DNMBP: variants seen among roughly 807,000 people sequenced by gnomAD.
The protein encoded by DNMBP is dynamin-binding protein.
DNMBP carries 87 observed loss-of-function variants against 150.0 expected under a neutral mutation model. The ratio of observed to expected loss-of-function variants is 0.58; its 90% confidence interval spans 0.49 to 0.69. DNMBP has a LOEUF of 0.69. DNMBP is among the 30% of genes least tolerant of loss of function. The pLI, the probability that DNMBP is intolerant of heterozygous loss-of-function variation, is 0.00. For synonymous variants in DNMBP, 711 were observed against 750.4 expected, an observed-to-expected ratio of 0.95 and a Z score of 0.86; for missense variants, 1,774 against 1,949.0, an observed-to-expected ratio of 0.91 and a Z score of 1.69.
At chr10:99,884,872 C>T (rs954792186) in intron 14 of DNMBP, among the ~76,000 whole-genome samples, 3 of 152,076 alleles carry the variant, frequency 2.0e-5, no homozygotes, top group Non-Finnish European at 4.4e-5. Context: ...CCACTGCATT[C>T]CAGCCTGGGT....
chr10:99,906,564 G>C lies in DNMBP; in HGVS notation c.2554+1431C>G, dbSNP rs12262092. Among the ~76,000 whole-genome samples the C allele has an allele frequency of 4.3e-3, 660 of 152,272 alleles. 7 individuals are homozygous for C. Among genetic ancestry groups the C allele is most frequent in the African/African-American group, 0.015 (621 of 41,550 alleles). On this transcript the variant is annotated intron_variant, in intron 6 of 16. Coordinates refer to ENST00000324109, the MANE Select transcript of DNMBP (RefSeq NM_015221.4). ...TGTGGCTCCTGTCTCAGGCGTGCTT[G>C]CTCTTGCGTGCTCTCTCTCATTCTG...
intron 4 of DNMBP, among the ~76,000 whole-genome samples, chr10:99,921,255 C>G (rs1314689525): frequency 6.6e-6 from 1 of 152,216 alleles, no homozygotes; most frequent in African/African-American, 2.4e-5. Context: ...CACCTACTGT[C>G]TTTTAAAGCT....
intron 4 of DNMBP, among the ~76,000 whole-genome samples, chr10:99,954,333 C>G (rs990682975): frequency 6.6e-6 from 1 of 151,992 alleles, no homozygotes. Flanking sequence ...CCACCGCACC[C>G]GGCAAGGTTT....
chr10:99,914,660 G>A (rs982554591), intron 4 of DNMBP, among the ~76,000 whole-genome samples: 7 of 152,094 alleles, frequency 4.6e-5, no homozygotes, highest in Non-Finnish European at 1.0e-4. Context: ...ACACTTAAAT[G>A]AACCAGGGAG....
rs79729921 is a variant in DNMBP, at chr10:100,004,717, A to G, written c.-11+5121T>C. Among the ~76,000 whole-genome samples the G allele has an allele frequency of 4.9e-3, 741 of 152,348 alleles. 9 individuals are homozygous for G. The highest frequency in any genetic ancestry group is 0.017 in the African/African-American group (709 of 41,584). ...GTTCCTTAAACAAAACTCCAAAAAC[A>G]TAAACCGCAAGTCAAAGAATTTATC... is the stretch of plus-strand genomic sequence containing the variant. On this transcript the variant is annotated intron_variant, in intron 1 of 16. Coordinates refer to ENST00000324109, the MANE Select transcript of DNMBP (RefSeq NM_015221.4).
intron 4 of DNMBP, among the ~76,000 whole-genome samples, chr10:99,932,655 T>C (rs2040173131): frequency 6.7e-6 from 1 of 148,976 alleles, no homozygotes; most frequent in Non-Finnish European, 1.5e-5. Context: ...GCACTCCTTT[T>C]TACCATTTTA....
Position 99,899,901 on chromosome 10 carries a change from A to G in DNMBP, c.2702+18T>C. The G allele has an allele frequency of 6.2e-7, 1 of 1,614,014 alleles. No homozygotes were observed. Among genetic ancestry groups the G allele is most frequent in the Non-Finnish European group, 8.5e-7 (1 of 1,179,890 alleles). On this transcript the variant is annotated intron_variant, in intron 7 of 16. Transcript: ENST00000324109. ...AACTAAAGAGCTGTAATGGAAGTTA[A>G]GTGGTCAAAACTCCTACTTCAGATC...
rs1174241894 is a variant in DNMBP at position 99,908,959 on chromosome 10, C to T, written c.2448G>A (p.Gln816=). 2 of 1,612,982 alleles carry T rather than the reference C, an allele frequency of 1.2e-6. No homozygotes were observed. Among genetic ancestry groups the T allele is most frequent in the South Asian group, 2.2e-5 (2 of 90,882 alleles). The part of the protein sequence containing the change: ...CIERIMVPMQ[Q]AQVPNIDFEG... ...TCTGTCTCCCAGTTCCCACCTGTGCCTGCTGCATGGGTACCATGATCCGCT... is the reference window on the plus strand; with the variant it reads ...TCTGTCTCCCAGTTCCCACCTGTGCTTGCTGCATGGGTACCATGATCCGCT... The change falls in exon 5 of 17, where the codon CAG becomes CAA. Residue 816 remains glutamine (Q), a synonymous_variant. Transcript: ENST00000324109.
chr10:99,883,931 G>C, intron 15 of DNMBP, 80 bp downstream of exon 15: 1 of 1,359,982 alleles, frequency 7.4e-7, no homozygotes, highest in Non-Finnish European at 1.0e-6. Flanking sequence ...TTTTTTTCCT[G>C]GCCTAGTCCA....
At chr10:99,991,711 C>A (rs2133377894) in intron 1 of DNMBP, among the ~76,000 whole-genome samples, 1 of 151,778 alleles carries the variant, frequency 6.6e-6, no homozygotes, top group East Asian at 2.0e-4. Flanking sequence ...TCGAGACCAT[C>A]CTGGCTAACA....
intron 1 of DNMBP, among the ~76,000 whole-genome samples, chr10:99,983,005 T>C (rs916619004): frequency 2.0e-5 from 3 of 151,684 alleles, no homozygotes; most frequent in African/African-American, 7.3e-5. Flanking sequence ...AGAACAAAAC[T>C]TCTGAAGGGG....
At chr10:99,911,491 A>T (rs2039898480) in intron 4 of DNMBP, among the ~76,000 whole-genome samples, 1 of 152,246 alleles carries the variant, frequency 6.6e-6, no homozygotes, top group South Asian at 2.1e-4. Context: ...CTCAAAAAAA[A>T]ATCCATGTTC....
chr10:99,937,074 T>C (rs1346557674), intron 4 of DNMBP, among the ~76,000 whole-genome samples: 3 of 152,098 alleles, frequency 2.0e-5, no homozygotes, highest in Non-Finnish European at 2.9e-5. Context: ...CTAATTTTTA[T>C]ATTTTTCAGT....
Position 99,900,087 on chromosome 10 carries a change from TAC to T in DNMBP, c.2555-23_2555-22del, listed in dbSNP as rs759283437. ...AGGTCCTTTGGAATACACACAAACA[TAC>T]AGTGTTTTTAGTAAACTTTCTTCTC... On this transcript the variant is annotated intron_variant, in intron 6 of 16. Transcript: ENST00000324109. 16 of 1,613,368 alleles carry T rather than the reference TAC, an allele frequency of 9.9e-6. No individual in the cohort carries two copies. The South Asian group carries it at 1.4e-4, about 14-fold the overall frequency.
intron 6 of DNMBP, among the ~76,000 whole-genome samples, chr10:99,902,927 TAAA>T (rs775080360): frequency 7.4e-6 from 1 of 135,236 alleles, no homozygotes; most frequent in Non-Finnish European, 1.6e-5. Flanking sequence ...ATTCTGTCTT[TAAA>T]AAAAAAAAAA....
At chr10:99,974,114 C>T (rs187012891) in intron 1 of DNMBP, among the ~76,000 whole-genome samples, 4 of 152,040 alleles carry the variant, frequency 2.6e-5, no homozygotes, top group Non-Finnish European at 5.9e-5. Flanking sequence ...CACAGCACGA[C>T]TTCACCTCTA....
chr10:99,994,528 G>T (rs945293983), intron 1 of DNMBP, among the ~76,000 whole-genome samples: 1 of 152,160 alleles, frequency 6.6e-6, no homozygotes. Context: ...GGGGAGTCAT[G>T]TGACTCTGTG....
chr10:99,885,180 TGAA>T (rs1291565289), intron 14 of DNMBP, among the ~76,000 whole-genome samples: 1 of 152,086 alleles, frequency 6.6e-6, no homozygotes, highest in Non-Finnish European at 1.5e-5. Context: ...CCTGAATTAA[TGAA>T]CCAATGAATT....
chr10:99,983,131 C>G (rs2040796135), intron 1 of DNMBP, among the ~76,000 whole-genome samples: 1 of 152,116 alleles, frequency 6.6e-6, no homozygotes, highest in African/African-American at 2.4e-5. Context: ...AGGGGCAGTC[C>G]AGCGGAGGTT....
Sources: gnomAD v4.1 joint callset for allele counts (sites outside exome capture counted in the v4.1 genomes callset) on GRCh38, gnomAD v4.1.1 for gene constraint, MANE v1.5 for transcripts, NCBI Gene and HGNC (gene_info 2026-07-23, HGNC 2026-07-21) for gene names.